The following KCNQ1 variants were observed in gnomAD, a reference collection of about 807,000 sequenced individuals.
KCNQ1 encodes potassium voltage-gated channel subfamily Q member 1.
In KCNQ1, 49 loss-of-function variants were observed where a neutral mutation model predicts 72.4. The observed-to-expected ratio is 0.68, with a 90% confidence interval of 0.54 to 0.86. The LOEUF (loss-of-function observed/expected upper bound fraction) is 0.86, where lower values mean the gene tolerates loss of function less well. KCNQ1 is among the 40% of genes least tolerant of loss of function. KCNQ1 has a pLI of 0.00. For synonymous variants in KCNQ1, 450 were observed against 412.6 expected, an observed-to-expected ratio of 1.09 and a Z score of -1.10; for missense variants, 790 against 945.1, an observed-to-expected ratio of 0.84 and a Z score of 2.15.
intron 6 of KCNQ1, among the ~76,000 whole-genome samples, chr11:2,577,534 G>A (rs1406876300): frequency 2.0e-5 from 3 of 152,244 alleles, no homozygotes; most frequent in East Asian, 1.9e-4. Context: ...TCCGGGCTTC[G>A]TGAGTGAGGA....
intron 15 of KCNQ1, among the ~76,000 whole-genome samples, chr11:2,840,596 G>GAAAAGATGGATGGCTTTGACCACGTGAAA (rs1848188012): frequency 6.6e-6 from 1 of 152,144 alleles, no homozygotes; most frequent in African/African-American, 2.4e-5. Flanking sequence ...AGGCATAAAG[G>GAAAAGATGGATGGCTTTGACCACGTGAAA]AAAAGATGGA....
chr11:2,700,864 G>A (rs372166047), intron 11 of KCNQ1, among the ~76,000 whole-genome samples: 34 of 152,204 alleles, frequency 2.2e-4, no homozygotes, highest in East Asian at 1.7e-3. Context: ...CGCGCCTTCT[G>A]AATGCCAAGC....
rs1450210953 is a variant in KCNQ1, at chr11:2,703,781, T to C, written c.1514+41700T>C. Among the ~76,000 whole-genome samples the C allele has an allele frequency of 1.3e-5, 2 of 152,294 alleles. 1 individual carries two copies. Among genetic ancestry groups the C allele is most frequent in the Non-Finnish European group, 2.9e-5 (2 of 68,004 alleles). ...GTGGCAGGCCCTGGCCAAGGAGTTCTGTGGGCCTCAATTCTCTCCCTACCC... is the reference window on the plus strand; with the variant it reads ...GTGGCAGGCCCTGGCCAAGGAGTTCCGTGGGCCTCAATTCTCTCCCTACCC... On this transcript the variant is annotated intron_variant, in intron 11 of 15. Transcript: ENST00000155840. The surrounding 1 kb of genome is among the most constrained non-coding windows in gnomAD (Gnocchi z 6.4).
At chr11:2,773,313 T>A (rs1051346541) in intron 12 of KCNQ1, among the ~76,000 whole-genome samples, 1 of 149,440 alleles carries the variant, frequency 6.7e-6, no homozygotes, top group African/African-American at 2.5e-5. Flanking sequence ...GAAACAGAGC[T>A]CAGCAACTCA....
At chr11:2,758,592 C>A (rs1172652558) in intron 11 of KCNQ1, among the ~76,000 whole-genome samples, 1 of 152,170 alleles carries the variant, frequency 6.6e-6, no homozygotes, top group Non-Finnish European at 1.5e-5. Flanking sequence ...CATATTCATA[C>A]ACAAAACTAA....
chr11:2,535,582 C>T (rs1847716133), intron 2 of KCNQ1, among the ~76,000 whole-genome samples: 1 of 152,196 alleles, frequency 6.6e-6, no homozygotes, highest in South Asian at 2.1e-4. Flanking sequence ...CCACCAGGAG[C>T]TCCTGGTCCT....
At chr11:2,778,096 C>T (rs1846745428) in intron 15 of KCNQ1, 59 bp downstream of exon 15, 3 of 1,516,186 alleles carry the variant, frequency 2.0e-6, no homozygotes, top group Non-Finnish European at 1.8e-6. Flanking sequence ...CAGCAGGCAC[C>T]TCCCTGTGGT....
Position 2,498,161 on chromosome 11 carries a change from T to C in KCNQ1, c.387-29767T>C, listed in dbSNP as rs1477598787. Among the ~76,000 whole-genome samples, 1 of 152,218 alleles carries C rather than the reference T, an allele frequency of 6.6e-6. No individual in the cohort carries two copies. The highest frequency in any genetic ancestry group is 1.5e-5 in the Non-Finnish European group (1 of 68,030). On this transcript the variant is annotated intron_variant, in intron 1 of 15. Coordinates refer to ENST00000155840, the MANE Select transcript of KCNQ1 (RefSeq NM_000218.3). This position sits in a 1 kb window ranked among gnomAD's most constrained non-coding sequence, Gnocchi z 4.8. Reference sequence around the variant, plus strand: ...GGAGGCATGGGGCTCAGGGACCCACTTGAGGAGGCAGTCTGTCCCTTAGCA... The same window carrying C: ...GGAGGCATGGGGCTCAGGGACCCACCTGAGGAGGCAGTCTGTCCCTTAGCA...
chr11:2,686,665 G>C (rs1850495080), intron 11 of KCNQ1: 1 of 398,500 alleles, frequency 2.5e-6, no homozygotes, highest in South Asian at 1.3e-4. Context: ...GCTGGATCAA[G>C]TGTGGGTCCC....
rs543543305 is a variant in KCNQ1 at position 2,772,018 on chromosome 11, C to G, written c.1590+3099C>G. On this transcript the variant is annotated intron_variant, in intron 12 of 15. Coordinates refer to ENST00000155840, the MANE Select transcript of KCNQ1 (RefSeq NM_000218.3). This position sits in a 1 kb window ranked among gnomAD's most constrained non-coding sequence, Gnocchi z 6.6. ...AGAAACCTGGCAACAGCAGGATCCTCGCAGGGCACAGAGGCTCCTGCACAA... is the reference window on the plus strand; with the variant it reads ...AGAAACCTGGCAACAGCAGGATCCTGGCAGGGCACAGAGGCTCCTGCACAA... Among the ~76,000 whole-genome samples, 1 of 152,180 alleles carries G rather than the reference C, an allele frequency of 6.6e-6. No homozygotes were observed. The highest frequency in any genetic ancestry group is 1.5e-5 in the Non-Finnish European group (1 of 68,008).
intron 11 of KCNQ1, chr11:2,665,566 T>C (rs908138167): frequency 7.6e-5 from 30 of 395,138 alleles, no homozygotes; most frequent in Non-Finnish European, 1.2e-4. Flanking sequence ...CAGATTTCCA[T>C]TCATCTTTCC....
chr11:2,635,595 T>C lies in KCNQ1; in HGVS notation c.1394-26366T>C, dbSNP rs567494590. The C allele has an allele frequency of 2.6e-5, 4 of 152,340 alleles. No homozygotes were observed. The East Asian group carries it at 5.8e-4, about 22-fold the overall frequency. 9.4% of individuals were successfully genotyped at this position (152,340 alleles called of 1,614,324 possible). ...TTTTGGTGACTGTAGCCTTGTAGTA[T>C]AGTTTGAAGTCAGGTAGCGTGATGC... On this transcript the variant is annotated intron_variant, in intron 10 of 15. Coordinates refer to ENST00000155840, the MANE Select transcript of KCNQ1 (RefSeq NM_000218.3).
chr11:2,814,341 G>A (rs577898312), intron 15 of KCNQ1, among the ~76,000 whole-genome samples: 9 of 151,786 alleles, frequency 5.9e-5, no homozygotes, highest in Non-Finnish European at 1.2e-4. Context: ...GTGGGTGGGT[G>A]GAGAGATGGA....
chr11:2,547,227 A>G lies in KCNQ1; in HGVS notation c.477+19209A>G, dbSNP rs1847912220. 6.6e-6 allele frequency among the ~76,000 whole-genome samples: 1 copy of G among 151,948 alleles called. No individual in the cohort carries two copies. Among genetic ancestry groups the G allele is most frequent in the South Asian group, 2.1e-4 (1 of 4,812 alleles). ...AACATTTGGGTAATTAGGAGGTTGT[A>G]TTATTTATTTATTTATTTTTGCGAA... On this transcript the variant is annotated intron_variant, in intron 2 of 15. Coordinates refer to ENST00000155840, the MANE Select transcript of KCNQ1 (RefSeq NM_000218.3). The surrounding 1 kb of genome is among the most constrained non-coding windows in gnomAD (Gnocchi z 4.2).
intron 11 of KCNQ1, among the ~76,000 whole-genome samples, chr11:2,733,663 G>T (rs1416135548): frequency 6.6e-6 from 1 of 151,912 alleles, no homozygotes; most frequent in Non-Finnish European, 1.5e-5. Context: ...TGGGGGAGGA[G>T]CCAGGCCAAG....
chr11:2,641,031 T>C, intron 10 of KCNQ1: 1 of 398,552 alleles, frequency 2.5e-6, no homozygotes, highest in Non-Finnish European at 4.4e-6. Context: ...TTCCATTGTA[T>C]ATATTTACCT....
In KCNQ1 at chr11:2,553,404, A is replaced by T. The variant is rs1589946841; in HGVS notation, c.478-17224A>T. 2.6e-5 allele frequency among the ~76,000 whole-genome samples: 4 copies of T among 152,182 alleles called. No homozygotes were observed. The South Asian group carries it at 8.3e-4, about 32-fold the overall frequency. Reference sequence around the variant, plus strand: ...GGTGTGGTGGGAGCTGTAGGGTTTTAGTAGAAGCCACTTATCAGGCCAAGA... The same window carrying T: ...GGTGTGGTGGGAGCTGTAGGGTTTTTGTAGAAGCCACTTATCAGGCCAAGA... On this transcript the variant is annotated intron_variant, in intron 2 of 15. Transcript: ENST00000155840.
At chr11:2,773,339 G>A (rs183876970) in intron 12 of KCNQ1, among the ~76,000 whole-genome samples, 1 of 151,564 alleles carries the variant, frequency 6.6e-6, no homozygotes, top group African/African-American at 2.4e-5. Context: ...CAGAAAGGAG[G>A]ATCAAGGCTT....
intron 1 of KCNQ1, among the ~76,000 whole-genome samples, chr11:2,510,786 C>G (rs1299505523): frequency 6.6e-6 from 1 of 152,182 alleles, no homozygotes; most frequent in Non-Finnish European, 1.5e-5. Context: ...CCTGGGAAGG[C>G]TGGCACGCTC....
Sources: allele counts gnomAD v4.1 joint callset (sites outside exome capture counted in the v4.1 genomes callset), GRCh38; gene constraint gnomAD v4.1.1; non-coding constraint Gnocchi (gnomAD v3.1); transcripts MANE v1.5; gene names NCBI Gene and HGNC (gene_info 2026-07-23, HGNC 2026-07-21).